Variants in EXOC5 observed in about 807,000 individuals in gnomAD.
EXOC5 encodes the protein exocyst complex component 5, also known as SEC10-like 1.
Under a neutral mutation model 90.8 loss-of-function variants are expected in EXOC5, and 17 were observed. The ratio of observed to expected loss-of-function variants is 0.19; its 90% CI spans 0.13 to 0.28. The LOEUF (loss-of-function observed/expected upper bound fraction) is 0.28, where lower values mean the gene tolerates loss of function less well. Ranked by LOEUF, EXOC5 falls within the 10% of genes least tolerant of loss-of-function variation. EXOC5 has a pLI of 1.00. For missense variants in EXOC5, 569 were observed against 830.6 expected (o/e 0.69, Z 3.87); for synonymous variants, 260 against 270.0 (o/e 0.96, Z 0.36).
chr14:57,209,486 TA>T, intron 17 of EXOC5, 80 bp downstream of exon 17: 1 of 725,820 alleles, frequency 1.4e-6, no homozygotes, highest in Non-Finnish European at 2.3e-6. Context: ...TTTCACTAAT[TA>T]TAAGTAAATA....
chr14:57,229,338 G>T (rs1883406128), intron 12 of EXOC5, among the ~76,000 whole-genome samples: 1 of 151,912 alleles, frequency 6.6e-6, no homozygotes. Flanking sequence ...CAACTACATA[G>T]TCAGTTCTCT....
intron 6 of EXOC5, among the ~76,000 whole-genome samples, chr14:57,236,616 T>C (rs1237293369): frequency 1.3e-5 from 2 of 152,022 alleles, no homozygotes; most frequent in Non-Finnish European, 2.9e-5. Context: ...GCTAGTATGG[T>C]TCTTAACGAA....
intron 1 of EXOC5, among the ~76,000 whole-genome samples, chr14:57,255,908 T>G (rs147500908): frequency 3.4e-3 from 518 of 151,492 alleles, no homozygotes; most frequent in African/African-American, 0.012. Context: ...AGGCTTTATA[T>G]GATGCTGTGA....
chr14:57,235,438 TTTTC>T (rs747841057), intron 7 of EXOC5, among the ~76,000 whole-genome samples: 5 of 152,084 alleles, frequency 3.3e-5, no homozygotes, highest in Admixed American at 2.6e-4. Context: ...GACAATATGA[TTTTC>T]TTTATCAAAG....
chr14:57,238,082 TGAA>T (rs1220647749), intron 5 of EXOC5, among the ~76,000 whole-genome samples: 1 of 150,572 alleles, frequency 6.6e-6, no homozygotes, highest in East Asian at 1.9e-4. Context: ...CAAAGACAAA[TGAA>T]GAAGGAAACA....
intron 1 of EXOC5, among the ~76,000 whole-genome samples, chr14:57,259,259 C>T (rs192810761): frequency 3.3e-5 from 5 of 152,094 alleles, no homozygotes; most frequent in East Asian, 1.9e-4. Flanking sequence ...CCATCACATC[C>T]GGCTAATTTT....
At chr14:57,265,850 T>A (rs950541495) in intron 1 of EXOC5, among the ~76,000 whole-genome samples, 1 of 152,260 alleles carries the variant, frequency 6.6e-6, no homozygotes, top group Non-Finnish European at 1.5e-5. Flanking sequence ...ACACTGTACA[T>A]GGATCTTTTC....
chr14:57,233,932 T>C, intron 8 of EXOC5, 49 bp from the exon 9 acceptor site: 1 of 1,598,090 alleles, frequency 6.3e-7, no homozygotes, highest in Non-Finnish European at 8.6e-7. Flanking sequence ...TTCTACATGA[T>C]TTTAAAACAA....
At position 57,238,375 on chromosome 14, in the gene EXOC5, TACACACAC is replaced by T. The variant is rs1183693696; in HGVS notation, c.531-1017_531-1010del. Among the ~76,000 whole-genome samples, 11 of 74,896 alleles carry T rather than the reference TACACACAC, an allele frequency of 1.5e-4. No individual in the cohort carries two copies. In the South Asian group the frequency reaches 3.1e-3, roughly 21 times the overall value. The allele number at this position is 74,896 out of a possible 152,430, so 49.1% of individuals were successfully genotyped here. Reference sequence around the variant, plus strand: ...ATATATATATATATATATATATATATACACACACACACACACACACACACACACACACA... The same window carrying T: ...ATATATATATATATATATATATATATACACACACACACACACACACACACA... On this transcript the variant is annotated intron_variant, in intron 5 of 17. Coordinates refer to ENST00000621441, the MANE Select transcript of EXOC5 (RefSeq NM_006544.4).
intron 13 of EXOC5, among the ~76,000 whole-genome samples, chr14:57,220,076 A>G (rs188334792): frequency 6.8e-4 from 103 of 152,328 alleles, no homozygotes; most frequent in African/African-American, 2.4e-3. Flanking sequence ...AGCTAAAAGT[A>G]AAAGACTTAA....
chr14:57,242,604 A>T (rs1304306928), intron 4 of EXOC5, among the ~76,000 whole-genome samples: 1 of 152,184 alleles, frequency 6.6e-6, no homozygotes, highest in African/African-American at 2.4e-5. Context: ...AAGGAAAAGA[A>T]TATGATGTGT....
rs1883785654 is a variant in EXOC5, at chr14:57,239,406, T to C, written c.530+189A>G. ...AAATTTAGATATTAAGAAGAGACTGTATTTTTTCAATAAACTATTTTACAC... is the reference window on the plus strand; with the variant it reads ...AAATTTAGATATTAAGAAGAGACTGCATTTTTTCAATAAACTATTTTACAC... On this transcript the variant is annotated intron_variant, in intron 5 of 17. Transcript: ENST00000621441. The C allele has an allele frequency of 7.0e-6, 3 of 429,578 alleles. No homozygotes were observed. In the South Asian group the frequency reaches 2.0e-4, roughly 28 times the overall value. The allele number at this position is 429,578 out of a possible 1,614,324, so 26.6% of individuals were successfully genotyped here.
chr14:57,225,984 G>C (rs933269581), intron 12 of EXOC5, among the ~76,000 whole-genome samples: 2 of 152,136 alleles, frequency 1.3e-5, no homozygotes, highest in African/African-American at 4.8e-5. Context: ...GTGGGTAGAG[G>C]AATAATCACT....
At chr14:57,228,070 A>G (rs1245260870) in intron 12 of EXOC5, among the ~76,000 whole-genome samples, 1 of 152,120 alleles carries the variant, frequency 6.6e-6, no homozygotes, top group African/African-American at 2.4e-5. Context: ...TTCTCAAAAG[A>G]AGACATTTAT....
At chr14:57,257,175 A>G (rs1405713907) in intron 1 of EXOC5, among the ~76,000 whole-genome samples, 1 of 152,138 alleles carries the variant, frequency 6.6e-6, no homozygotes, top group African/African-American at 2.4e-5. Flanking sequence ...GAAAGAAAAA[A>G]AAGGAATAAA....
At chr14:57,212,018 C>G (rs1010064374) in intron 15 of EXOC5, among the ~76,000 whole-genome samples, 1 of 152,260 alleles carries the variant, frequency 6.6e-6, no homozygotes, top group African/African-American at 2.4e-5. Flanking sequence ...TGCCAGAACA[C>G]CTGTCTAATT....
rs1884781226 is a variant in EXOC5, at chr14:57,268,716, C to A, written c.-68G>T. The A allele has an allele frequency of 1.3e-6, 2 of 1,539,978 alleles. No homozygotes were observed. The highest frequency in any genetic ancestry group is 2.4e-5 in the East Asian group (1 of 40,940). On this transcript the variant is annotated 5_prime_UTR_variant, in exon 1 of 18. Coordinates refer to ENST00000621441, the MANE Select transcript of EXOC5 (RefSeq NM_006544.4). Reference sequence around the variant, plus strand: ...CGCTTCACATGCTGCGCCTCAGAGGCGCGGCGCACAGGTCTCCGCTCGGCT... The same window carrying A: ...CGCTTCACATGCTGCGCCTCAGAGGAGCGGCGCACAGGTCTCCGCTCGGCT...
intron 1 of EXOC5, among the ~76,000 whole-genome samples, chr14:57,259,652 G>A (rs1247784497): frequency 1.3e-5 from 2 of 152,024 alleles, no homozygotes; most frequent in Admixed American, 1.3e-4. Flanking sequence ...TTCTTTGAAG[G>A]GTTCCTTCCT....
chr14:57,227,645 C>G (rs1883348405), intron 12 of EXOC5, among the ~76,000 whole-genome samples: 1 of 152,138 alleles, frequency 6.6e-6, no homozygotes, highest in African/African-American at 2.4e-5. Context: ...TAATTTATCC[C>G]AACCTAATGA....
Sources: allele counts gnomAD v4.1 joint callset (sites outside exome capture counted in the v4.1 genomes callset), GRCh38; gene constraint gnomAD v4.1.1; transcripts MANE v1.5; gene names NCBI Gene and HGNC (gene_info 2026-07-23, HGNC 2026-07-21).